COL25A1: variants seen among roughly 807,000 people sequenced by gnomAD.
COL25A1 encodes collagen type XXV alpha 1 chain.
COL25A1 carries 103 observed loss-of-function variants against 128.4 expected under a neutral mutation model. That is an observed-to-expected ratio of 0.80 (90% CI 0.68 to 0.94). The LOEUF (loss-of-function observed/expected upper bound fraction) is 0.94. Ranked by LOEUF, COL25A1 falls within the 40% of genes least tolerant of loss-of-function variation. COL25A1 has a pLI of 0.00. For missense variants in COL25A1, 745 were observed against 840.0 expected, an observed-to-expected ratio of 0.89 and a Z score of 1.40; for synonymous variants, 279 against 277.2, an observed-to-expected ratio of 1.01 and a Z score of -0.06.
At chr4:108,871,366 A>G (rs1175548656) in intron 19 of COL25A1, among the ~76,000 whole-genome samples, 1 of 152,146 alleles carries the variant, frequency 6.6e-6, no homozygotes, top group Non-Finnish European at 1.5e-5. Context: ...CCCAGGCTGG[A>G]GTGCAGTGGC....
At chr4:109,289,663 G>A (rs2126283584) in intron 3 of COL25A1, among the ~76,000 whole-genome samples, 1 of 152,188 alleles carries the variant, frequency 6.6e-6, no homozygotes, top group East Asian at 1.9e-4. Context: ...CAGAATGGAG[G>A]CAAAATAGGG....
At chr4:109,076,271 G>A (rs932594915) in intron 3 of COL25A1, among the ~76,000 whole-genome samples, 1 of 152,036 alleles carries the variant, frequency 6.6e-6, no homozygotes, top group Non-Finnish European at 1.5e-5. Flanking sequence ...TGATTTTTTA[G>A]GTGTTTTAAA....
At chr4:109,053,605 T>C (rs999785248) in intron 3 of COL25A1, among the ~76,000 whole-genome samples, 5 of 152,222 alleles carry the variant, frequency 3.3e-5, no homozygotes, top group African/African-American at 1.2e-4. Context: ...ATTCTACCCC[T>C]AGTACTTAGA....
At chr4:109,044,050 GCT>G (rs1319879011) in intron 5 of COL25A1, among the ~76,000 whole-genome samples, 1 of 151,750 alleles carries the variant, frequency 6.6e-6, no homozygotes, top group Non-Finnish European at 1.5e-5. Context: ...TCACAAAATT[GCT>G]CTGTTGCAGC....
intron 3 of COL25A1, among the ~76,000 whole-genome samples, chr4:109,281,584 A>C (rs1723396223): frequency 6.6e-6 from 1 of 152,166 alleles, no homozygotes; most frequent in Non-Finnish European, 1.5e-5. Context: ...AGGTGATCAG[A>C]CAGTCCCTTC....
intron 3 of COL25A1, among the ~76,000 whole-genome samples, chr4:109,191,062 C>T (rs1475629290): frequency 4.6e-5 from 7 of 152,156 alleles, no homozygotes; most frequent in Non-Finnish European, 1.0e-4. Flanking sequence ...CAGCATTTTC[C>T]TGCAAGGTTG....
At chr4:109,244,761 G>A (rs1449566793) in intron 3 of COL25A1, among the ~76,000 whole-genome samples, 1 of 152,066 alleles carries the variant, frequency 6.6e-6, no homozygotes, top group African/African-American at 2.4e-5. Flanking sequence ...TTAAGTGTCT[G>A]GGTAGTGCGT....
chr4:109,105,820 T>C (rs959244479), intron 3 of COL25A1, among the ~76,000 whole-genome samples: 3 of 152,218 alleles, frequency 2.0e-5, no homozygotes, highest in Non-Finnish European at 4.4e-5. Flanking sequence ...CAAACTTTAA[T>C]GTACCAAGCA....
At chr4:108,854,644 A>T (rs1736246929) in intron 24 of COL25A1, among the ~76,000 whole-genome samples, 1 of 152,202 alleles carries the variant, frequency 6.6e-6, no homozygotes, top group Non-Finnish European at 1.5e-5. Flanking sequence ...GAGAAATGCA[A>T]ATCAAAACCA....
intron 3 of COL25A1, among the ~76,000 whole-genome samples, chr4:109,167,072 C>A (rs1188042782): frequency 6.6e-6 from 1 of 152,028 alleles, no homozygotes; most frequent in African/African-American, 2.4e-5. Context: ...ATTTGCTTTT[C>A]TTGAATCTTA....
chr4:108,885,904 C>T (rs551851839), intron 18 of COL25A1, among the ~76,000 whole-genome samples: 208 of 152,208 alleles, frequency 1.4e-3, no homozygotes, highest in Non-Finnish European at 1.6e-3. Context: ...TCTTTTCCTC[C>T]CACCAAATGA....
chr4:108,862,561 A>C lies in COL25A1; in HGVS notation c.1153-16T>G, dbSNP rs747128981. On this transcript the variant is annotated splice_polypyrimidine_tract_variant and intron_variant, in intron 21 of 37. Coordinates refer to ENST00000399132, the MANE Select transcript of COL25A1 (RefSeq NM_198721.4). The stretch of plus-strand genomic sequence containing the variant: ...CTTGTTTCCCCTATTACAGCAGAAT[A>C]AGAGGATGAAAAAGATAAAATTATA... 3 of 1,605,850 alleles carry C rather than the reference A, an allele frequency of 1.9e-6. No individual in the cohort carries two copies. The highest frequency in any genetic ancestry group is 2.6e-6 in the Non-Finnish European group (3 of 1,172,988).
At chr4:108,976,410 T>C (rs1011210491) in intron 6 of COL25A1, among the ~76,000 whole-genome samples, 7 of 152,258 alleles carry the variant, frequency 4.6e-5, no homozygotes, top group African/African-American at 1.7e-4. Flanking sequence ...TGTGGCTCTT[T>C]ACAGGAATTT....
At chr4:109,024,254 T>C (rs76114428) in intron 5 of COL25A1, among the ~76,000 whole-genome samples, 1,587 of 115,996 alleles carry the variant, frequency 0.014, 15 homozygotes, top group Non-Finnish European at 0.018. Flanking sequence ...TCTGGATTTA[T>C]TGGGACATAC....
At chr4:108,821,068 TA>T (rs1158999803) in intron 35 of COL25A1, among the ~76,000 whole-genome samples, 1 of 152,186 alleles carries the variant, frequency 6.6e-6, no homozygotes, top group African/African-American at 2.4e-5. Flanking sequence ...TAAAACTGAA[TA>T]ATGTCTGAAG....
chr4:108,822,043 A>ATTTTTTTTTTTTTTTTTTTTTTTTTT (rs10567518), intron 35 of COL25A1, among the ~76,000 whole-genome samples: 2 of 89,964 alleles, frequency 2.2e-5, no homozygotes, highest in Admixed American at 2.9e-4. Context: ...CCTAATGGTA[A>ATTTTTTTTTTTTTTTTTTTTTTTTTT]TTTTTTTTTT....
intron 3 of COL25A1, among the ~76,000 whole-genome samples, chr4:109,111,175 A>G (rs1000619428): frequency 1.3e-5 from 2 of 152,148 alleles, no homozygotes; most frequent in African/African-American, 4.8e-5. Flanking sequence ...TGTTTTCGCA[A>G]TGACTGTTCT....
intron 3 of COL25A1, among the ~76,000 whole-genome samples, chr4:109,114,013 A>G (rs1444315206): frequency 6.6e-6 from 1 of 152,130 alleles, no homozygotes; most frequent in East Asian, 1.9e-4. Flanking sequence ...ATGTAATAAG[A>G]TGACCAATAA....
intron 11 of COL25A1, among the ~76,000 whole-genome samples, chr4:108,933,055 A>T (rs1746947684): frequency 6.6e-6 from 1 of 152,226 alleles, no homozygotes; most frequent in African/African-American, 2.4e-5. Flanking sequence ...ATCAATGTGG[A>T]ACTGCGTGAG....
Sources: allele counts gnomAD v4.1 joint callset (sites outside exome capture counted in the v4.1 genomes callset), GRCh38; gene constraint gnomAD v4.1.1; transcripts MANE v1.5; gene names NCBI Gene and HGNC (gene_info 2026-07-23, HGNC 2026-07-21).